The following NOVA1 variants were observed in gnomAD, a reference collection of about 807,000 sequenced individuals.
The protein encoded by NOVA1 is NOVA alternative splicing regulator 1.
NOVA1 carries 7 observed loss-of-function variants against 38.0 expected under a neutral mutation model. That is an observed-to-expected ratio of 0.18 (90% confidence interval 0.10 to 0.35). NOVA1 has a LOEUF of 0.35. Among genes scored for constraint, NOVA1 ranks in the 10% least tolerant of loss-of-function variants. The probability of loss-of-function intolerance (pLI) is 1.00; values close to 1 mark genes in which losing one functional copy is unlikely to be tolerated. For missense variants in NOVA1, 460 were observed against 616.0 expected, an observed-to-expected ratio of 0.75 and a Z score of 2.68; for synonymous variants, 270 against 232.5, an observed-to-expected ratio of 1.16 and a Z score of -1.47.
chr14:26,448,999 T>C lies in NOVA1; in HGVS notation c.520-36A>G. The C allele has an allele frequency of 6.5e-7, 1 of 1,543,800 alleles. No individual in the cohort carries two copies. Among genetic ancestry groups the C allele is most frequent in the East Asian group, 2.3e-5 (1 of 44,310 alleles). ...AAAAAATACGTATAAATAATACTTCTGTTTTGTGCATATACATTATATTAC... is the reference window on the plus strand; with the variant it reads ...AAAAAATACGTATAAATAATACTTCCGTTTTGTGCATATACATTATATTAC... On this transcript the variant is annotated intron_variant, in intron 4 of 4. Transcript: ENST00000539517. This position sits in a 1 kb window ranked among gnomAD's most constrained non-coding sequence, Gnocchi z 5.3.
chr14:26,491,058 G>A (rs766611729), intron 2 of NOVA1, among the ~76,000 whole-genome samples: 101 of 152,090 alleles, frequency 6.6e-4, no homozygotes, highest in Non-Finnish European at 1.1e-3. Context: ...CACCGTGTTA[G>A]CCAGGATGGC....
intron 2 of NOVA1, chr14:26,549,735 A>T: frequency 7.8e-7 from 1 of 1,289,114 alleles, no homozygotes; most frequent in Non-Finnish European, 1.0e-6. Flanking sequence ...GTGGAGAAAT[A>T]CCTTCTGTAC....
intron 2 of NOVA1, among the ~76,000 whole-genome samples, chr14:26,494,005 T>C (rs1450679585): frequency 6.6e-6 from 1 of 152,176 alleles, no homozygotes; most frequent in Non-Finnish European, 1.5e-5. Flanking sequence ...CCCATCTTCC[T>C]CTAAGAGACT....
intron 2 of NOVA1, among the ~76,000 whole-genome samples, chr14:26,523,533 T>C (rs1594460730): frequency 6.6e-6 from 1 of 152,308 alleles, no homozygotes; most frequent in East Asian, 1.9e-4. Context: ...GTCACTAAGA[T>C]TGAGAAGCAA....
chr14:26,504,139 A>G (rs919108354), intron 2 of NOVA1, among the ~76,000 whole-genome samples: 1 of 152,200 alleles, frequency 6.6e-6, no homozygotes, highest in African/African-American at 2.4e-5. Flanking sequence ...CCTATCAAGT[A>G]CCATTCGCTT....
intron 4 of NOVA1, among the ~76,000 whole-genome samples, chr14:26,458,619 G>A (rs1458673224): frequency 6.6e-6 from 1 of 151,988 alleles, no homozygotes; most frequent in Non-Finnish European, 1.5e-5. Flanking sequence ...TAAACACTGA[G>A]TAAACATGGA....
chr14:26,448,821 A>C lies in NOVA1; in HGVS notation c.662T>G (p.Val221Gly). 1 of 1,614,160 alleles carries C rather than the reference A, an allele frequency of 6.2e-7. No individual in the cohort carries two copies. The highest frequency in any genetic ancestry group is 8.5e-7 in the Non-Finnish European group (1 of 1,180,034). The change falls in exon 5 of 5, where the codon GTC becomes GGC. Residue 221 changes from valine to glycine, a missense_variant. Val to Gly is a moderately radical substitution (Grantham distance 109). Transcript: ENST00000539517. The surrounding 1 kb of genome is among the most constrained non-coding windows in gnomAD (Gnocchi z 5.3). ...TTGTTCAGGTTCTCCACTCACAGTGACAACCCTCTCTTGCAAGTTGATCCC... is the reference window on the plus strand; with the variant it reads ...TTGTTCAGGTTCTCCACTCACAGTGCCAACCCTCTCTTGCAAGTTGATCCC... ...PDGINLQERV[V>G]TVSGEPEQNR... is the part of the protein sequence containing the mutation.
rs141525998 is a variant in NOVA1, at chr14:26,596,833, G to A, written c.136+468C>T. On this transcript the variant is annotated intron_variant, in intron 1 of 4. Transcript: ENST00000539517. ...GTGGCCCAAAGCAAGAGGATGGAGA[G>A]AGGAAAAACTCTCCGGCGCCCCAGT... 312 of 1,116,374 alleles carry A rather than the reference G, an allele frequency of 2.8e-4. No homozygotes were observed. In the African/African-American group the frequency reaches 4.6e-3, roughly 16 times the overall value. 69.2% of individuals were successfully genotyped at this position (1,116,374 alleles called of 1,614,324 possible). A position where few individuals can be genotyped will look rare whatever the true frequency, so the allele number is the denominator to read the frequency against.
At chr14:26,524,228 T>C (rs1032077008) in intron 2 of NOVA1, among the ~76,000 whole-genome samples, 5 of 152,178 alleles carry the variant, frequency 3.3e-5, no homozygotes, top group African/African-American at 9.7e-5. Flanking sequence ...TTTGATTAGC[T>C]AGAACAGGAT....
At chr14:26,510,168 T>C (rs1278692908) in intron 2 of NOVA1, among the ~76,000 whole-genome samples, 1 of 152,186 alleles carries the variant, frequency 6.6e-6, no homozygotes, top group Non-Finnish European at 1.5e-5. Flanking sequence ...TTACGGTGGA[T>C]TCATTAAGTC....
intron 2 of NOVA1, among the ~76,000 whole-genome samples, chr14:26,488,090 T>C (rs1212275614): frequency 6.6e-6 from 1 of 152,178 alleles, no homozygotes; most frequent in Non-Finnish European, 1.5e-5. Flanking sequence ...CATCTTATGA[T>C]GTAAAGTAAT....
chr14:26,494,423 A>G (rs1886601128), intron 2 of NOVA1, among the ~76,000 whole-genome samples: 1 of 152,088 alleles, frequency 6.6e-6, no homozygotes, highest in South Asian at 2.1e-4. Context: ...TCTTTTCTTC[A>G]AAGTGTTTGG....
At chr14:26,471,258 C>T (rs1332235278) in intron 4 of NOVA1, among the ~76,000 whole-genome samples, 1 of 151,624 alleles carries the variant, frequency 6.6e-6, no homozygotes, top group Non-Finnish European at 1.5e-5. Context: ...CTTCAGGTTG[C>T]AAAAGTATTA....
At chr14:26,527,446 T>C (rs1290830056) in intron 2 of NOVA1, among the ~76,000 whole-genome samples, 2 of 151,876 alleles carry the variant, frequency 1.3e-5, no homozygotes, top group Admixed American at 1.3e-4. Context: ...GAATACATCA[T>C]TGCCCAGAGC....
At chr14:26,549,725 G>A (rs755848100) in intron 2 of NOVA1, 1 of 1,288,940 alleles carries the variant, frequency 7.8e-7, no homozygotes, top group Non-Finnish European at 1.0e-6. Context: ...AGATGGCACA[G>A]TGGAGAAATA....
At chr14:26,503,709 T>C (rs1887413487) in intron 2 of NOVA1, among the ~76,000 whole-genome samples, 2 of 152,050 alleles carry the variant, frequency 1.3e-5, no homozygotes, top group Admixed American at 6.6e-5. Flanking sequence ...TTTTTTCTAA[T>C]AGCAAAAAAT....
intron 2 of NOVA1, among the ~76,000 whole-genome samples, chr14:26,492,782 C>T (rs1386299608): frequency 7.2e-6 from 1 of 138,554 alleles, no homozygotes; most frequent in Non-Finnish European, 1.6e-5. Context: ...GCCTGGCCAA[C>T]ATGGTGAAAC....
intron 2 of NOVA1, among the ~76,000 whole-genome samples, chr14:26,584,454 T>C (rs1024786853): frequency 2.0e-5 from 3 of 151,538 alleles, no homozygotes; most frequent in Non-Finnish European, 4.4e-5. Flanking sequence ...ACACAGCAGA[T>C]GTAGATTTAA....
intron 2 of NOVA1, among the ~76,000 whole-genome samples, chr14:26,523,262 G>A (rs574426321): frequency 1.5e-4 from 23 of 152,230 alleles, no homozygotes; most frequent in African/African-American, 3.9e-4. Flanking sequence ...TTGCTTTCTC[G>A]TGTGTTGGTA....
Sources: gnomAD v4.1 joint callset for allele counts (sites outside exome capture counted in the v4.1 genomes callset) on GRCh38, gnomAD v4.1.1 for gene constraint, Gnocchi (gnomAD v3.1) non-coding constraint, MANE v1.5 for transcripts, NCBI Gene and HGNC (gene_info 2026-07-23, HGNC 2026-07-21) for gene names.